CDC73: variants seen among roughly 807,000 people sequenced by gnomAD.
The protein encoded by CDC73 is cell division cycle 73.
A neutral mutation model predicts 83.7 loss-of-function variants in CDC73; 21 were observed. The observed-to-expected ratio is 0.25, with a 90% CI of 0.18 to 0.36. The LOEUF is 0.36. Ranked by LOEUF, CDC73 falls within the 10% of genes least tolerant of loss-of-function variation. The pLI is 1.00. For synonymous variants in CDC73, 224 were observed against 212.9 expected, an observed-to-expected ratio of 1.05 and a Z score of -0.45; for missense variants, 342 against 653.3, an observed-to-expected ratio of 0.52 and a Z score of 5.19.
chr1:193,187,140 G>A (rs1296359885), intron 10 of CDC73, among the ~76,000 whole-genome samples: 1 of 129,192 alleles, frequency 7.7e-6, no homozygotes, highest in African/African-American at 3.0e-5. Flanking sequence ...TAAATAAGCT[G>A]TCTTGGATTA....
At chr1:193,232,018 T>A (rs1184536146) in intron 13 of CDC73, among the ~76,000 whole-genome samples, 2 of 152,182 alleles carry the variant, frequency 1.3e-5, no homozygotes, top group Non-Finnish European at 2.9e-5. Context: ...TTGTGAACAC[T>A]AGCAAATTTT....
At chr1:193,178,611 A>G (rs1168708168) in intron 10 of CDC73, among the ~76,000 whole-genome samples, 2 of 152,064 alleles carry the variant, frequency 1.3e-5, no homozygotes, top group African/African-American at 4.8e-5. Context: ...CTGATTTGGT[A>G]TTATCCCCTT....
intron 6 of CDC73, among the ~76,000 whole-genome samples, 196 bp downstream of exon 6, chr1:193,138,369 G>C (rs1479454470): frequency 1.3e-5 from 2 of 152,186 alleles, no homozygotes; most frequent in Non-Finnish European, 2.9e-5. Context: ...AAGTCTTCTT[G>C]TTTCTATTAC....
At chr1:193,236,764 C>G in intron 15 of CDC73, 4 of 233,638 alleles carry the variant, frequency 1.7e-5, no homozygotes, top group Non-Finnish European at 3.4e-5. Flanking sequence ...CATGGTGGTG[C>G]ACACCTGTAA....
intron 11 of CDC73, among the ~76,000 whole-genome samples, chr1:193,205,573 G>A (rs978491500): frequency 1.3e-5 from 2 of 151,904 alleles, no homozygotes; most frequent in Non-Finnish European, 2.9e-5. Flanking sequence ...TTTTGTCATT[G>A]CTGTTATTAA....
intron 13 of CDC73, 132 bp from the exon 14 acceptor site, chr1:193,232,861 C>A: frequency 2.9e-6 from 2 of 698,996 alleles, no homozygotes; most frequent in East Asian, 3.0e-5. Flanking sequence ...CAAGATTGCA[C>A]CACTGCACTC....
intron 10 of CDC73, among the ~76,000 whole-genome samples, chr1:193,187,959 C>G (rs534685072): frequency 6.6e-6 from 1 of 152,308 alleles, no homozygotes; most frequent in African/African-American, 2.4e-5. Flanking sequence ...TACTGCAATT[C>G]TCACTCACTA....
intron 10 of CDC73, among the ~76,000 whole-genome samples, chr1:193,182,915 ATTAC>A (rs1676741306): frequency 6.6e-6 from 1 of 152,098 alleles, no homozygotes; most frequent in Non-Finnish European, 1.5e-5. Flanking sequence ...TATTATGAAA[ATTAC>A]TTCTTTAAGC....
chr1:193,158,948 TTG>T (rs1366952354), intron 10 of CDC73, among the ~76,000 whole-genome samples: 1 of 90,610 alleles, frequency 1.1e-5, no homozygotes, highest in Non-Finnish European at 2.7e-5. Context: ...ATATTATCTG[TTG>T]TATACAGTTT....
At chr1:193,163,960 A>G (rs1676388255) in intron 10 of CDC73, among the ~76,000 whole-genome samples, 2 of 152,012 alleles carry the variant, frequency 1.3e-5, no homozygotes, top group Non-Finnish European at 2.9e-5. Context: ...TGTACTTTTT[A>G]GTAGATGGGG....
intron 15 of CDC73, among the ~76,000 whole-genome samples, chr1:193,248,870 T>G (rs1436238083): frequency 3.3e-5 from 5 of 152,074 alleles, no homozygotes; most frequent in Non-Finnish European, 5.9e-5. Context: ...AAGTGGTTTT[T>G]TTGAGATAGA....
At chr1:193,166,475 A>C (rs899496177) in intron 10 of CDC73, among the ~76,000 whole-genome samples, 1 of 151,992 alleles carries the variant, frequency 6.6e-6, no homozygotes, top group Non-Finnish European at 1.5e-5. Flanking sequence ...TACATTTTTT[A>C]GTCTACAGTG....
intron 10 of CDC73, among the ~76,000 whole-genome samples, chr1:193,156,772 G>A (rs1346601032): frequency 6.6e-6 from 1 of 152,036 alleles, no homozygotes; most frequent in Non-Finnish European, 1.5e-5. Context: ...TGCAGATAAT[G>A]GAGACTCTCT....
Position 193,234,175 on chromosome 1 carries a change from T to TCTCACA in CDC73, c.1316+1022_1316+1023insTCACAC, listed in dbSNP as rs1241998258. 1.4e-3 allele frequency among the ~76,000 whole-genome samples: 147 copies of TCTCACA among 101,398 alleles called. No individual in the cohort carries two copies. In the Middle Eastern group the frequency reaches 0.019, roughly 13 times the overall value. The allele number at this position is 101,398 out of a possible 152,430, so 66.5% of individuals were successfully genotyped here. ...TTCTCTCTCTCTCTCTCTCTCTCTC[T>TCTCACA]CACACACACACACACACACACACAC... On this transcript the variant is annotated intron_variant, in intron 14 of 16. Coordinates refer to ENST00000367435, the MANE Select transcript of CDC73 (RefSeq NM_024529.5).
At chr1:193,208,109 A>G (rs1330630544) in intron 11 of CDC73, among the ~76,000 whole-genome samples, 1 of 152,216 alleles carries the variant, frequency 6.6e-6, no homozygotes, top group Non-Finnish European at 1.5e-5. Flanking sequence ...CACCACAATC[A>G]ACTTTGTTTC....
Position 193,250,795 on chromosome 1 carries a change from A to G in CDC73, c.*83A>G. 1 of 1,220,130 alleles carries G rather than the reference A, an allele frequency of 8.2e-7. No homozygotes were observed. The highest frequency in any genetic ancestry group is 1.2e-6 in the Non-Finnish European group (1 of 825,622). 75.6% of individuals were successfully genotyped at this position (1,220,130 alleles called of 1,614,324 possible). The stretch of plus-strand genomic sequence containing the variant: ...AACTTAAAAATGAAGAAGGTCACAG[A>G]TTGATCTTTTATAAGACCTTATTTG... On this transcript the variant is annotated 3_prime_UTR_variant, in exon 17 of 17. Coordinates refer to ENST00000367435, the MANE Select transcript of CDC73 (RefSeq NM_024529.5).
chr1:193,226,779 C>G (rs1380464643), intron 13 of CDC73, among the ~76,000 whole-genome samples: 1 of 151,950 alleles, frequency 6.6e-6, no homozygotes, highest in Non-Finnish European at 1.5e-5. Flanking sequence ...CTGTAGTTTT[C>G]TTTTTTGGTT....
chr1:193,204,843 A>G (rs1404295085), intron 11 of CDC73, among the ~76,000 whole-genome samples: 1 of 152,184 alleles, frequency 6.6e-6, no homozygotes, highest in East Asian at 1.9e-4. Flanking sequence ...CAGTTCTCTC[A>G]TAGTTCCGTG....
chr1:193,181,342 G>T, intron 10 of CDC73: 1 of 1,614,044 alleles, frequency 6.2e-7, no homozygotes, highest in Non-Finnish European at 8.5e-7. Context: ...GCTGTGGTTT[G>T]TCTCACTTTT....
Sources: gnomAD v4.1 joint callset for allele counts (sites outside exome capture counted in the v4.1 genomes callset) on GRCh38, gnomAD v4.1.1 for gene constraint, MANE v1.5 for transcripts, NCBI Gene and HGNC (gene_info 2026-07-23, HGNC 2026-07-21) for gene names.